The following PI4KA variants were observed in gnomAD, a reference collection of about 807,000 sequenced individuals.
PI4KA encodes the protein phosphatidylinositol 4-kinase alpha.
A neutral mutation model predicts 271.4 loss-of-function variants in PI4KA; 122 were observed. The observed-to-expected ratio is 0.45, with a 90% CI of 0.39 to 0.52. PI4KA has a LOEUF of 0.52. Ranked by LOEUF, PI4KA falls within the 20% of genes least tolerant of loss-of-function variation. The pLI, the probability that PI4KA is intolerant of heterozygous loss-of-function variation, is 0.00. For synonymous variants in PI4KA, 1,041 were observed against 1,078.8 expected (o/e 0.96, Z 0.69); for missense variants, 1,969 against 2,769.1 (o/e 0.71, Z 6.48).
chr22:20,712,952 C>T, intron 48 of PI4KA, 155 bp from the exon 49 acceptor site: 1 of 733,854 alleles, frequency 1.4e-6, no homozygotes, highest in Non-Finnish European at 2.2e-6. Context: ...CCTTTCTGAC[C>T]ACCGGGGGCT....
chr22:20,840,198 C>G (rs117946855), intron 1 of PI4KA, among the ~76,000 whole-genome samples: 1 of 152,186 alleles, frequency 6.6e-6, no homozygotes, highest in Non-Finnish European at 1.5e-5. Context: ...AACAATAGTG[C>G]CTGAAAGACA....
chr22:20,798,954 A>G (rs1232481443), intron 16 of PI4KA, 139 bp downstream of exon 16: 1 of 695,096 alleles, frequency 1.4e-6, no homozygotes, highest in Non-Finnish European at 2.4e-6. Flanking sequence ...CACTATTCTT[A>G]CTACTCCGCA....
chr22:20,834,508 C>A, intron 3 of PI4KA, 54 bp downstream of exon 3: 1 of 1,044,846 alleles, frequency 9.6e-7, no homozygotes. Context: ...ATCCTACAGA[C>A]ACTGAACATG....
At chr22:20,834,411 A>G (rs943954106) in intron 3 of PI4KA, 151 bp downstream of exon 3, 2 of 655,260 alleles carry the variant, frequency 3.1e-6, no homozygotes, top group Non-Finnish European at 5.5e-6. Flanking sequence ...CATGGATGTA[A>G]GCTCAGCCCA....
chr22:20,749,810 G>A, intron 28 of PI4KA, 95 bp downstream of exon 28: 1 of 748,624 alleles, frequency 1.3e-6, no homozygotes, highest in South Asian at 1.5e-5. Context: ...ATTCACACTA[G>A]TGCTATTTGG....
chr22:20,783,053 T>C (rs879390805), intron 19 of PI4KA, among the ~76,000 whole-genome samples: 1 of 152,222 alleles, frequency 6.6e-6, no homozygotes, highest in Admixed American at 6.5e-5. Context: ...AACTTGCATG[T>C]TGCTAGGAGC....
intron 3 of PI4KA, among the ~76,000 whole-genome samples, chr22:20,828,900 T>C (rs1476684811): frequency 6.6e-6 from 1 of 152,208 alleles, no homozygotes; most frequent in Non-Finnish European, 1.5e-5. Flanking sequence ...ATGAAAAGCC[T>C]CTTCTGTATC....
chr22:20,710,940 A>G (rs1925193876), intron 51 of PI4KA, 82 bp from the exon 52 acceptor site: 3 of 1,515,132 alleles, frequency 2.0e-6, no homozygotes, highest in Non-Finnish European at 2.7e-6. Context: ...AGGAGTGGAA[A>G]AGGACTGCAA....
chr22:20,761,303 C>A lies in PI4KA; in HGVS notation c.2791+1G>T. Reference sequence around the variant, plus strand: ...TGAAAGCACCATAATAATGAGCTTACCAGATTTGTCTTTCTGAATAGCTTT... The same window carrying A: ...TGAAAGCACCATAATAATGAGCTTAACAGATTTGTCTTTCTGAATAGCTTT... On this transcript the variant is annotated splice_donor_variant, in intron 23 of 54. Coordinates refer to ENST00000255882, the MANE Select transcript of PI4KA (RefSeq NM_058004.4). LOFTEE classifies it high-confidence loss of function. The A allele has an allele frequency of 6.3e-7, 1 of 1,576,284 alleles. No individual in the cohort carries two copies. Among genetic ancestry groups the A allele is most frequent in the Non-Finnish European group, 8.7e-7 (1 of 1,145,500 alleles).
chr22:20,858,580 G>T lies in PI4KA; in HGVS notation c.146C>A (p.Ser49Tyr). ...GCCCGCCGACGTTACCTTCTCCAAGGATGCTGGTCTCTGCACCGCCAGGGA... is the reference window on the plus strand; with the variant it reads ...GCCCGCCGACGTTACCTTCTCCAAGTATGCTGGTCTCTGCACCGCCAGGGA... ...ARSLAVQRPA[S>Y]LEKVQKLLCM... The change falls in exon 1 of 55, where the codon TCC (serine) becomes TAC (tyrosine). Residue 49 changes from serine (S) to tyrosine (Y), a missense_variant. Around this residue, in one of 13 missense-constraint regions of PI4KA, gnomAD observed 540 missense variants for 555.5 expected, o/e 0.97. Transcript: ENST00000255882. 1 of 1,415,498 alleles carries T rather than the reference G, an allele frequency of 7.1e-7. No homozygotes were observed. The highest frequency in any genetic ancestry group is 9.2e-7 in the Non-Finnish European group (1 of 1,083,170). 87.7% of individuals were successfully genotyped at this position (1,415,498 alleles called of 1,614,324 possible).
intron 9 of PI4KA, 99 bp from the exon 10 acceptor site, chr22:20,807,557 T>C: frequency 1.5e-6 from 1 of 678,412 alleles, no homozygotes; most frequent in Non-Finnish European, 2.7e-6. Flanking sequence ...GATTCGTGAC[T>C]TAGCATTCTA....
chr22:20,786,227 C>A, intron 19 of PI4KA: 1 of 1,480,136 alleles, frequency 6.8e-7, no homozygotes, highest in Non-Finnish European at 9.4e-7. Context: ...GCCCTTCCTA[C>A]CCACCCCCCA....
Position 20,838,723 on chromosome 22 carries a change from C to A in PI4KA, c.165G>T (p.Lys55Asn). 6.2e-7 allele frequency: 1 copy of A among 1,601,186 alleles called. No individual in the cohort carries two copies. The highest frequency in any genetic ancestry group is 8.5e-7 in the Non-Finnish European group (1 of 1,170,756). The change falls in exon 2 of 55, where the codon AAG becomes AAT. Residue 55 changes from lysine (K) to asparagine (N), a missense_variant. Physicochemically the swap from Lys to Asn is moderately conservative, Grantham distance 94. Transcript: ENST00000255882. ...QRPASLEKVQKLLCMCPVDFH... is the reference protein window; with the variant it reads ...QRPASLEKVQNLLCMCPVDFH... The stretch of plus-strand genomic sequence containing the variant: ...AATCCACTGGACACATGCAAAGAAG[C>A]TTTTGGACCTAGAAAATGAGACCCC...
At position 20,727,745 on chromosome 22, in the gene PI4KA, C is replaced by T. The variant is rs7289942; in HGVS notation, c.4773+29G>A. 9.0e-3 allele frequency: 14,144 copies of T among 1,564,924 alleles called. 950 individuals are homozygous for T. In the African/African-American group the frequency reaches 0.16, roughly 18 times the overall value. On this transcript the variant is annotated intron_variant, in intron 40 of 54. Coordinates refer to ENST00000255882, the MANE Select transcript of PI4KA (RefSeq NM_058004.4). ...AGTGTGCTATTTTGTGCAGTTTGAA[C>T]TCAGGCCCTGGTACGTGGGCTACAC...
chr22:20,809,165 C>A (rs1935850438), intron 9 of PI4KA, among the ~76,000 whole-genome samples: 1 of 152,182 alleles, frequency 6.6e-6, no homozygotes. Context: ...GGAGTCCAGA[C>A]AACACGAGTG....
intron 23 of PI4KA, among the ~76,000 whole-genome samples, chr22:20,757,868 C>G (rs1364184166): frequency 2.0e-5 from 3 of 151,984 alleles, no homozygotes; most frequent in Non-Finnish European, 4.4e-5. Context: ...TTTGTCTCCT[C>G]AGGTCTTGTC....
chr22:20,709,593 C>T, intron 53 of PI4KA: 1 of 596,238 alleles, frequency 1.7e-6, no homozygotes, highest in Non-Finnish European at 3.0e-6. Flanking sequence ...CCTGAGTGGC[C>T]CCATGGCATT....
chr22:20,786,949 G>C (rs200888884), intron 19 of PI4KA: 1 of 1,614,152 alleles, frequency 6.2e-7, no homozygotes, highest in Non-Finnish European at 8.5e-7. Context: ...TGGGGTTCAT[G>C]CCGCTGTCCA....
At position 20,769,991 on chromosome 22, in the gene PI4KA, C is replaced by T. The variant is rs555523056; in HGVS notation, c.2329-4298G>A. On this transcript the variant is annotated intron_variant, in intron 19 of 54. Transcript: ENST00000255882. ...ATATGGAAAAATATTAACTATTCTA[C>T]CTAGGTTGTGGGTGTATGGATATTT... Among the ~76,000 whole-genome samples, 10 of 152,200 alleles carry T rather than the reference C, an allele frequency of 6.6e-5. No individual in the cohort carries two copies. In the South Asian group the frequency reaches 2.1e-3, roughly 32 times the overall value.
Sources: gnomAD v4.1 joint callset for allele counts (sites outside exome capture counted in the v4.1 genomes callset) on GRCh38, gnomAD v4.1.1 for gene constraint, gnomAD v4.1.1 regional missense constraint, MANE v1.5 for transcripts, NCBI Gene and HGNC (gene_info 2026-07-23, HGNC 2026-07-21) for gene names.